The following RPS4Y1 variants were observed in gnomAD, a reference collection of about 807,000 sequenced individuals.
The protein encoded by RPS4Y1 is small ribosomal subunit protein eS4, Y isoform 1.
For synonymous variants in RPS4Y1, 23 were observed against 20.8 expected (o/e 1.10, Z -0.28); for missense variants, 30 against 60.9 (o/e 0.49, Z 1.69).
intron 6 of RPS4Y1, among the ~76,000 whole-genome samples, chrY:2,865,914 CTCTGT>C (rs2051167210): frequency 3.0e-5 from 1 of 33,023 alleles, no homozygotes; most frequent in Non-Finnish European, 7.5e-5. Context: ...CGGAATTTTG[CTCTGT>C]TGCCCAGGCT....
intron 5 of RPS4Y1, among the ~76,000 whole-genome samples, chrY:2,863,597 A>G: frequency 3.0e-5 from 1 of 33,878 alleles, no homozygotes; most frequent in Non-Finnish European, 7.3e-5. Flanking sequence ...AGCTAGCTCA[A>G]GCCCTGCATT....
At chrY:2,864,325 CAG>C (rs2051165577) in intron 5 of RPS4Y1, among the ~76,000 whole-genome samples, 1 of 32,571 alleles carries the variant, frequency 3.1e-5, no homozygotes, top group Non-Finnish European at 7.5e-5. Flanking sequence ...AGTATTAAGA[CAG>C]GGCTTTATTC....
intron 5 of RPS4Y1, among the ~76,000 whole-genome samples, chrY:2,858,709 A>T (rs2051161542): frequency 3.0e-5 from 1 of 33,315 alleles, no homozygotes; most frequent in Non-Finnish European, 7.4e-5. Context: ...CCTGTCTTTT[A>T]TGCCAGTATC....
intron 5 of RPS4Y1, among the ~76,000 whole-genome samples, chrY:2,861,162 A>G: frequency 3.0e-5 from 1 of 33,265 alleles, no homozygotes; most frequent in Non-Finnish European, 7.4e-5. Flanking sequence ...AATTCTGTTC[A>G]ATTGTATTCA....
intron 5 of RPS4Y1, among the ~76,000 whole-genome samples, chrY:2,859,439 C>T (rs2051162051): frequency 3.0e-5 from 1 of 33,502 alleles, no homozygotes; most frequent in African/African-American, 1.2e-4. Context: ...AATAAAAGAA[C>T]ACTTTGAATC....
chrY:2,864,318 A>G, intron 5 of RPS4Y1, among the ~76,000 whole-genome samples: 1 of 32,864 alleles, frequency 3.0e-5, no homozygotes, highest in Non-Finnish European at 7.5e-5. Context: ...TTTTGTTAGT[A>G]TTAAGACAGG....
chrY:2,849,001 C>T, intron 4 of RPS4Y1, among the ~76,000 whole-genome samples: 1 of 32,354 alleles, frequency 3.1e-5, no homozygotes, highest in African/African-American at 1.2e-4. Context: ...ACTCTGTATG[C>T]CTTTGCATAC....
chrY:2,846,049 A>G (rs2051152761), intron 4 of RPS4Y1, among the ~76,000 whole-genome samples: 1 of 33,993 alleles, frequency 2.9e-5, no homozygotes, highest in African/African-American at 1.2e-4. Context: ...TCATTGATTA[A>G]TTGTGTAACT....
At chrY:2,857,479 T>C in intron 5 of RPS4Y1, among the ~76,000 whole-genome samples, 1 of 33,952 alleles carries the variant, frequency 2.9e-5, no homozygotes, top group East Asian at 7.7e-4. Flanking sequence ...GCAGTGACTT[T>C]ATCTCCGCTC....
chrY:2,843,265 T>C, intron 2 of RPS4Y1, among the ~76,000 whole-genome samples: 2 of 33,489 alleles, frequency 6.0e-5, no homozygotes, highest in African/African-American at 2.3e-4. Flanking sequence ...TTAAGAAGAC[T>C]TGCTGGGAAC....
At chrY:2,845,337 C>T in intron 3 of RPS4Y1, among the ~76,000 whole-genome samples, 1 of 32,639 alleles carries the variant, frequency 3.1e-5, no homozygotes, top group Admixed American at 2.8e-4. Flanking sequence ...TGTGGGTGTG[C>T]TCATGTATGT....
intron 5 of RPS4Y1, among the ~76,000 whole-genome samples, chrY:2,857,150 GTGT>G (rs2051160515): frequency 3.0e-5 from 1 of 33,069 alleles, no homozygotes; most frequent in Non-Finnish European, 7.4e-5. Context: ...CAGTTCGTTA[GTGT>G]TGTTAACTAT....
chrY:2,852,377 A>G, intron 4 of RPS4Y1, among the ~76,000 whole-genome samples: 4 of 33,948 alleles, frequency 1.2e-4, no homozygotes, highest in Non-Finnish European at 2.9e-4. Flanking sequence ...AGTGCTTCCA[A>G]CTTTTCTTTT....
At chrY:2,862,931 T>C in intron 5 of RPS4Y1, among the ~76,000 whole-genome samples, 1 of 33,580 alleles carries the variant, frequency 3.0e-5, no homozygotes, top group African/African-American at 1.2e-4. Context: ...CAGCTAATTA[T>C]GGGAAGCGTC....
At chrY:2,855,381 G>A in intron 5 of RPS4Y1, among the ~76,000 whole-genome samples, 1 of 33,728 alleles carries the variant, frequency 3.0e-5, no homozygotes, top group South Asian at 6.7e-4. Flanking sequence ...CTTTTTTTCT[G>A]TTGCTTTTTT....
intron 5 of RPS4Y1, among the ~76,000 whole-genome samples, 153 bp from the exon 6 acceptor site, chrY:2,864,935 T>A (rs1056053162): frequency 8.9e-5 from 3 of 33,878 alleles, no homozygotes; most frequent in Non-Finnish European, 2.2e-4. Flanking sequence ...AGCATTCGTT[T>A]ACAGTGACAA....
At chrY:2,843,016 G>C in intron 2 of RPS4Y1, among the ~76,000 whole-genome samples, 1 of 33,658 alleles carries the variant, frequency 3.0e-5, no homozygotes, top group Non-Finnish European at 7.4e-5. Flanking sequence ...TAACTAACTT[G>C]ATTTGGCCTC....
intron 5 of RPS4Y1, among the ~76,000 whole-genome samples, chrY:2,857,141 A>G: frequency 6.0e-5 from 2 of 33,333 alleles, no homozygotes; most frequent in Non-Finnish European, 1.5e-4. Context: ...TTAAGTGTAC[A>G]GTTCGTTAGT....
chrY:2,847,450 T>C (rs748125210), intron 4 of RPS4Y1, among the ~76,000 whole-genome samples: 9 of 33,598 alleles, frequency 2.7e-4, no homozygotes, highest in South Asian at 1.3e-3. Flanking sequence ...AATGGGAGAT[T>C]AGGTCTGTTT....
Sources: allele counts gnomAD v4.1 joint callset (sites outside exome capture counted in the v4.1 genomes callset), GRCh38; gene constraint gnomAD v4.1.1; transcripts MANE v1.5; gene names NCBI Gene and HGNC (gene_info 2026-07-23, HGNC 2026-07-21).